LHX2: variants seen among roughly 807,000 people sequenced by gnomAD.
LHX2 encodes the protein LIM/homeobox protein Lhx2.
LHX2 carries 6 observed loss-of-function variants against 33.0 expected under a neutral mutation model. The ratio of observed to expected loss-of-function variants is 0.18; its 90% CI spans 0.10 to 0.36. The LOEUF is 0.36. Among genes scored for constraint, LHX2 ranks in the 10% least tolerant of loss-of-function variants. The pLI is 1.00. For missense variants in LHX2, 442 were observed against 586.2 expected, an observed-to-expected ratio of 0.75 and a Z score of 2.54; for synonymous variants, 292 against 253.1, an observed-to-expected ratio of 1.15 and a Z score of -1.46.
Position 124,016,502 on chromosome 9 carries a change from GTTC to G in LHX2, c.727+984_727+986del, listed in dbSNP as rs1367242993. Among the ~76,000 whole-genome samples, 4 of 152,180 alleles carry G rather than the reference GTTC, an allele frequency of 2.6e-5. No homozygotes were observed. Among genetic ancestry groups the G allele is most frequent in the Non-Finnish European group, 4.4e-5 (3 of 68,024 alleles). ...ACAGAATTAGATTTGGAGATTTTGT[GTTC>G]TTCTTCCTTTTCCCTTTAGTCTAAT... On this transcript the variant is annotated intron_variant, in intron 3 of 4. Coordinates refer to ENST00000373615, the MANE Select transcript of LHX2 (RefSeq NM_004789.4). This position sits in a 1 kb window ranked among gnomAD's most constrained non-coding sequence, Gnocchi z 4.4.
intron 4 of LHX2, among the ~76,000 whole-genome samples, chr9:124,025,213 C>A (rs534784233): frequency 1.3e-5 from 2 of 152,010 alleles, no homozygotes; most frequent in South Asian, 4.2e-4. Context: ...CAGGCCGAGG[C>A]GGGCGGATTA....
intron 4 of LHX2, among the ~76,000 whole-genome samples, chr9:124,026,190 G>A (rs4836955): frequency 0.37 from 55,980 of 152,012 alleles, 11,372 homozygotes; most frequent in Admixed American, 0.48. Context: ...TGGGCGTGGT[G>A]GCTCACGCCT....
rs144291200 is a variant in LHX2, at chr9:124,014,131, C to T, written c.291C>T (p.Asp97=). The change falls in exon 2 of 5, where the codon GAC becomes GAT. Residue 97 remains aspartate (D), a synonymous_variant. Coordinates refer to ENST00000373615, the MANE Select transcript of LHX2 (RefSeq NM_004789.4). The surrounding 1 kb of genome is among the most constrained non-coding windows in gnomAD (Gnocchi z 4.8). ...LESELTCFSK[D]GSIYCKEDYY... is the part of the protein sequence containing the mutation. ...CGGAGCTCACCTGTTTCAGCAAGGA[C>T]GGTAGCATCTACTGCAAGGAAGACT... The T allele has an allele frequency of 3.7e-3, 5,978 of 1,613,466 alleles. 12 individuals carry two copies. The highest frequency in any genetic ancestry group is 4.5e-3 in the Non-Finnish European group (5,336 of 1,180,006).
Position 124,015,353 on chromosome 9 carries a change from C to T in LHX2, c.555C>T (p.Asp185=), listed in dbSNP as rs757898602. The T allele has an allele frequency of 5.6e-6, 9 of 1,611,152 alleles. No individual in the cohort carries two copies. Among genetic ancestry groups the T allele is most frequent in the Non-Finnish European group, 7.6e-6 (9 of 1,178,522 alleles). The change falls in exon 3 of 5, where the codon GAC becomes GAT. Residue 185 remains aspartate (D), a synonymous_variant. Coordinates refer to ENST00000373615, the MANE Select transcript of LHX2 (RefSeq NM_004789.4). The surrounding 1 kb of genome is among the most constrained non-coding windows in gnomAD (Gnocchi z 7.9). Reference sequence around the variant, plus strand: ...ACCCCGCACACTTCAACCATGCCGACGTGGCAGCGGCGGCCGCTGCAGCCG... The same window carrying T: ...ACCCCGCACACTTCAACCATGCCGATGTGGCAGCGGCGGCCGCTGCAGCCG... ...GEYPAHFNHA[D]VAAAAAAAAA...
In LHX2 at chr9:124,015,442, A is replaced by G. The variant is rs1341845501; in HGVS notation, c.644A>G (p.Asn215Ser). ...AACCCTCTGGGTCTTCCCTACTACA[A>G]TGGCGTGGGCACTGTGCAGAAGGGG... ...GANPLGLPYYNGVGTVQKGRP... is the reference protein window; with the variant it reads ...GANPLGLPYYSGVGTVQKGRP... Residue 215 changes from asparagine to serine, a missense_variant, in exon 3 of 5, where the codon AAT becomes AGT. Physicochemically the swap from Asn to Ser is conservative, Grantham distance 46. Transcript: ENST00000373615. This position sits in a 1 kb window ranked among gnomAD's most constrained non-coding sequence, Gnocchi z 7.9. The G allele has an allele frequency of 5.7e-6, 9 of 1,582,494 alleles. No individual in the cohort carries two copies. The highest frequency in any genetic ancestry group is 6.9e-6 in the Non-Finnish European group (8 of 1,164,626).
chr9:124,032,634 C>T lies in LHX2; in HGVS notation c.1148C>T (p.Thr383Ile). The part of the protein sequence containing the change: ...PTLPTVTSVL[T>I]SVPGNLEGHE... ...CTGCCAACTGTGACGTCCGTCTTAA[C>T]TTCTGTGCCTGGCAACCTGGAGGGC... The change falls in exon 5 of 5, where the codon ACT becomes ATT. Residue 383 changes from threonine to isoleucine, a missense_variant. Physicochemically the swap from Thr to Ile is moderately conservative, Grantham distance 89. Coordinates refer to ENST00000373615, the MANE Select transcript of LHX2 (RefSeq NM_004789.4). This position sits in a 1 kb window ranked among gnomAD's most constrained non-coding sequence, Gnocchi z 4.1. 6.2e-7 allele frequency: 1 copy of T among 1,613,992 alleles called. No homozygotes were observed. Among genetic ancestry groups the T allele is most frequent in the African/African-American group, 1.3e-5 (1 of 75,050 alleles).
At chr9:124,021,360 C>A (rs1005676429) in intron 4 of LHX2, 56 bp downstream of exon 4, 4 of 1,523,140 alleles carry the variant, frequency 2.6e-6, no homozygotes, top group South Asian at 1.1e-5. Context: ...GGGGTGGAAC[C>A]CTGCACCCCT....
chr9:124,018,875 C>G (rs1457983154), intron 3 of LHX2, among the ~76,000 whole-genome samples: 1 of 152,210 alleles, frequency 6.6e-6, no homozygotes, highest in African/African-American at 2.4e-5. Context: ...GTCCCCCTCC[C>G]CCGCACTACT....
intron 4 of LHX2, among the ~76,000 whole-genome samples, chr9:124,029,115 AAATAATAAT>A (rs371060108): frequency 6.6e-6 from 1 of 151,208 alleles, no homozygotes; most frequent in Non-Finnish European, 1.5e-5. Flanking sequence ...CTGTCTCAAA[AAATAATAAT>A]AATAATAATA....
At chr9:124,018,312 C>G (rs1434481489) in intron 3 of LHX2, among the ~76,000 whole-genome samples, 3 of 151,538 alleles carry the variant, frequency 2.0e-5, no homozygotes, top group African/African-American at 4.8e-5. Flanking sequence ...GGGTCCTCCC[C>G]CTCCCCTCGG....
Position 124,021,162 on chromosome 9 carries a change from A to G in LHX2, c.791A>G (p.Gln264Arg). 1.2e-6 allele frequency: 2 copies of G among 1,614,250 alleles called. No individual in the cohort carries two copies. The highest frequency in any genetic ancestry group is 1.7e-6 in the Non-Finnish European group (2 of 1,180,048). ...CGTGACCAGCCATACCCGAGCAGCC[A>G]GAAGACCAAGCGCATGCGCACGTCC... ...LDRDQPYPSSQKTKRMRTSFK... is the reference protein window; with the variant it reads ...LDRDQPYPSSRKTKRMRTSFK... Residue 264 changes from glutamine to arginine, a missense_variant, in exon 4 of 5, where the codon CAG (glutamine) becomes CGG (arginine). Physicochemically the swap from Gln to Arg is conservative, Grantham distance 43 (BLOSUM62 1). This residue lies in a region of LHX2 where 132 missense variants were observed against 139.1 expected (regional missense o/e 0.95). Transcript: ENST00000373615.
In LHX2 at chr9:124,012,376, G is replaced by A; in HGVS notation, c.28G>A (p.Glu10Lys). 1 of 1,526,762 alleles carries A rather than the reference G, an allele frequency of 6.5e-7. No homozygotes were observed. 94.6% of individuals were successfully genotyped at this position (1,526,762 alleles called of 1,614,324 possible). Reference protein sequence around the residue: MLFHSLSGPEVHGVIDEMDR... With the variant: MLFHSLSGPKVHGVIDEMDR... ...GCTGTTCCACAGTCTGTCGGGCCCC[G>A]AGGTGCACGGGGTCATCGACGAGAT... is the stretch of plus-strand genomic sequence containing the variant. Residue 10 changes from glutamate (E) to lysine (K), a missense_variant, in exon 1 of 5, where the codon GAG becomes AAG. Glu to Lys is a moderately conservative substitution (Grantham distance 56). Around this residue, in one of 5 missense-constraint regions of LHX2, gnomAD observed 97 missense variants for 81.5 expected, o/e 1.19. Transcript: ENST00000373615. The surrounding 1 kb of genome is among the most constrained non-coding windows in gnomAD (Gnocchi z 4.3).
rs1328391312 is a variant in LHX2, at chr9:124,032,512, G to C, written c.1026G>C (p.Gln342His). The C allele has an allele frequency of 6.2e-7, 1 of 1,613,538 alleles. No homozygotes were observed. Among genetic ancestry groups the C allele is most frequent in the African/African-American group, 1.3e-5 (1 of 74,918 alleles). The change falls in exon 5 of 5, where the codon CAG becomes CAC. Residue 342 changes from glutamine to histidine, a missense_variant. Around this residue, in one of 5 missense-constraint regions of LHX2, gnomAD observed 109 missense variants for 98.7 expected, o/e 1.10. Transcript: ENST00000373615. The surrounding 1 kb of genome is among the most constrained non-coding windows in gnomAD (Gnocchi z 4.1). ...ACAAGTCGACAGACGCGGCGCTGCAGACAGGGACGCCATCGGGCCCGGCCT... is the reference window on the plus strand; with the variant it reads ...ACAAGTCGACAGACGCGGCGCTGCACACAGGGACGCCATCGGGCCCGGCCT... Reference protein sequence around the residue: ...GVDKSTDAALQTGTPSGPASE... With the variant: ...GVDKSTDAALHTGTPSGPASE...
rs759804579 is a variant in LHX2, at chr9:124,032,372, G to T, written c.934-48G>T. On this transcript the variant is annotated intron_variant, in intron 4 of 4. Coordinates refer to ENST00000373615, the MANE Select transcript of LHX2 (RefSeq NM_004789.4). This position sits in a 1 kb window ranked among gnomAD's most constrained non-coding sequence, Gnocchi z 4.1. The stretch of plus-strand genomic sequence containing the variant: ...CTCTGAGTGAAGCAGTCGGGGGGAT[G>T]CTCTGCCTGCCTTCCGCTCACCAGC... 2.0e-6 allele frequency: 3 copies of T among 1,529,878 alleles called. No homozygotes were observed. Among genetic ancestry groups the T allele is most frequent in the Non-Finnish European group, 2.6e-6 (3 of 1,137,212 alleles). 94.8% of individuals were successfully genotyped at this position (1,529,878 alleles called of 1,614,324 possible).
In LHX2 at chr9:124,032,321, G is replaced by A. The variant is rs1220718473; in HGVS notation, c.934-99G>A. 13 of 1,382,388 alleles carry A rather than the reference G, an allele frequency of 9.4e-6. No homozygotes were observed. In the Admixed American group the frequency reaches 9.7e-5, roughly 10 times the overall value. The allele number at this position is 1,382,388 out of a possible 1,614,324, so 85.6% of individuals were successfully genotyped here. A position where few individuals can be genotyped will look rare whatever the true frequency, so the allele number is the denominator to read the frequency against. On this transcript the variant is annotated intron_variant, in intron 4 of 4. Transcript: ENST00000373615. This position sits in a 1 kb window ranked among gnomAD's most constrained non-coding sequence, Gnocchi z 4.1. ...TTTTGGATCCTCTTGGCAAAACACA[G>A]ATCAGCGTCCCCAGAGGCAGCAGAG...
In LHX2 at chr9:124,022,453, A is replaced by T. The variant is rs1859309879; in HGVS notation, c.933+1149A>T. Among the ~76,000 whole-genome samples the T allele has an allele frequency of 7.9e-5, 12 of 152,216 alleles. No homozygotes were observed. In the South Asian group the frequency reaches 2.5e-3, roughly 32 times the overall value. ...CAAGACAATGCCTCCCTTGATAGCA[A>T]GTTTAACCAATTTATTCTTCAGAAC... On this transcript the variant is annotated intron_variant, in intron 4 of 4. Transcript: ENST00000373615.
At chr9:124,029,144 A>T (rs1281160845) in intron 4 of LHX2, among the ~76,000 whole-genome samples, 1 of 151,756 alleles carries the variant, frequency 6.6e-6, no homozygotes, top group Non-Finnish European at 1.5e-5. Context: ...AATAGTCAAT[A>T]AATAAATCTA....
At position 124,018,366 on chromosome 9, in the gene LHX2, G is replaced by GC. The variant is rs968314223; in HGVS notation, c.728-2728dup. ...ATCCGATCCTGGGGAATCTCGACCCGCCCCCGGGCACTGGGGGCGGGAGTG... is the reference window on the plus strand; with the variant it reads ...ATCCGATCCTGGGGAATCTCGACCCGCCCCCCGGGCACTGGGGGCGGGAGTG... On this transcript the variant is annotated intron_variant, in intron 3 of 4. Transcript: ENST00000373615. Among the ~76,000 whole-genome samples the GC allele has an allele frequency of 9.3e-5, 14 of 150,168 alleles. No individual in the cohort carries two copies. In the South Asian group the frequency reaches 1.1e-3, roughly 11 times the overall value.
Position 124,032,211 on chromosome 9 carries a change from C to T in LHX2, c.934-209C>T. ...GAGTCGAGATTGTGTCACTGCACTT[C>T]AGCCTGGGGGACCAAGCCAGACCCT... On this transcript the variant is annotated intron_variant, in intron 4 of 4. Transcript: ENST00000373615. This position sits in a 1 kb window ranked among gnomAD's most constrained non-coding sequence, Gnocchi z 4.1. 1 of 540,034 alleles carries T rather than the reference C, an allele frequency of 1.9e-6. No homozygotes were observed. The highest frequency in any genetic ancestry group is 3.6e-5 in the Admixed American group (1 of 27,484). 33.5% of individuals were successfully genotyped at this position (540,034 alleles called of 1,614,324 possible). A position where few individuals can be genotyped will look rare whatever the true frequency, so the allele number is the denominator to read the frequency against.
Sources: gnomAD v4.1 joint callset for allele counts (sites outside exome capture counted in the v4.1 genomes callset) on GRCh38, gnomAD v4.1.1 for gene constraint, gnomAD v4.1.1 regional missense constraint, Gnocchi (gnomAD v3.1) non-coding constraint, MANE v1.5 for transcripts, NCBI Gene and HGNC (gene_info 2026-07-23, HGNC 2026-07-21) for gene names.